The following TMPRSS11D variants were observed in gnomAD, a reference collection of about 807,000 sequenced individuals.
TMPRSS11D encodes transmembrane serine protease 11D.
TMPRSS11D carries 32 observed loss-of-function variants against 44.4 expected under a neutral mutation model. That is an observed-to-expected ratio of 0.72 (90% CI 0.54 to 0.97). The LOEUF is 0.97. Among genes scored for constraint, TMPRSS11D ranks in the 50% least tolerant of loss-of-function variants. TMPRSS11D has a pLI of 0.00. For missense variants in TMPRSS11D, 446 were observed against 502.6 expected (o/e 0.89, Z 1.08); for synonymous variants, 179 against 177.9 (o/e 1.01, Z -0.05).
chr4:67,878,980 A>G (rs1478723429), intron 1 of TMPRSS11D, among the ~76,000 whole-genome samples: 1 of 152,134 alleles, frequency 6.6e-6, no homozygotes, highest in Non-Finnish European at 1.5e-5. Flanking sequence ...AAGTAGAAAT[A>G]AAGCACTAGG....
At chr4:67,881,176 T>TA (rs1719312579) in intron 1 of TMPRSS11D, among the ~76,000 whole-genome samples, 1 of 152,206 alleles carries the variant, frequency 6.6e-6, no homozygotes, top group Non-Finnish European at 1.5e-5. Context: ...TAGGTTCCCT[T>TA]ACAGCAGTAA....
chr4:67,832,934 C>A (rs1717981808), intron 7 of TMPRSS11D, among the ~76,000 whole-genome samples: 2 of 151,872 alleles, frequency 1.3e-5, no homozygotes, highest in African/African-American at 4.8e-5. Context: ...ATTTCTTAAG[C>A]TTTTATAGCT....
In TMPRSS11D at chr4:67,838,332, G is replaced by A. The variant is rs375082239; in HGVS notation, c.318-3C>T. 3.8e-5 allele frequency: 58 copies of A among 1,539,554 alleles called. No homozygotes were observed. In the African/African-American group the frequency reaches 7.7e-4, roughly 21 times the overall value. On this transcript the variant is annotated splice_polypyrimidine_tract_variant and splice_region_variant and intron_variant, in intron 4 of 9. Transcript: ENST00000283916. ...CTCTCACACCACTACCATCTTGCCT[G>A]TAAATCATAAAGATATTTTAAAAAA...
intron 2 of TMPRSS11D, among the ~76,000 whole-genome samples, chr4:67,857,318 TATATACACACACAC>T (rs1233896494): frequency 0.017 from 16 of 954 alleles, no homozygotes; most frequent in African/African-American, 0.032. Flanking sequence ...TATATATATA[TATATACACACACAC>T]ACACACACAC....
In TMPRSS11D at chr4:67,841,287, A is replaced by T. The variant is rs115445980; in HGVS notation, c.317+1271T>A. Among the ~76,000 whole-genome samples, 1,063 of 152,240 alleles carry T rather than the reference A, an allele frequency of 7.0e-3. 18 individuals carry two copies. The highest frequency in any genetic ancestry group is 0.024 in the African/African-American group (1,017 of 41,540). On this transcript the variant is annotated intron_variant, in intron 4 of 9. Coordinates refer to ENST00000283916, the MANE Select transcript of TMPRSS11D (RefSeq NM_004262.3). ...GATGAGAGGCCTAGAGCACAGCCTG[A>T]TGTTCAGCAACATTTAAGGAATATA...
chr4:67,859,769 T>G, intron 1 of TMPRSS11D, 91 bp from the exon 2 acceptor site: 1 of 1,517,278 alleles, frequency 6.6e-7, no homozygotes. Flanking sequence ...TCTTTCCCGG[T>G]CTCTTATCTG....
At chr4:67,876,744 A>G (rs755057641) in intron 1 of TMPRSS11D, among the ~76,000 whole-genome samples, 7 of 152,182 alleles carry the variant, frequency 4.6e-5, no homozygotes, top group Non-Finnish European at 8.8e-5. Flanking sequence ...TGGGTGCTCT[A>G]TAGATACAGT....
At chr4:67,824,371 A>G (rs141908070) in intron 9 of TMPRSS11D, among the ~76,000 whole-genome samples, 15 of 152,206 alleles carry the variant, frequency 9.9e-5, no homozygotes, top group Admixed American at 2.0e-4. Context: ...GTCTTAATTA[A>G]TGCTCTTAGT....
At chr4:67,880,449 A>G (rs1318508683) in intron 1 of TMPRSS11D, among the ~76,000 whole-genome samples, 5 of 152,038 alleles carry the variant, frequency 3.3e-5, no homozygotes, top group African/African-American at 1.2e-4. Flanking sequence ...TTTTTTTTTA[A>G]TTGGGGATAG....
chr4:67,828,780 A>C (rs1016615765), intron 7 of TMPRSS11D, among the ~76,000 whole-genome samples: 2 of 152,160 alleles, frequency 1.3e-5, no homozygotes, highest in African/African-American at 4.8e-5. Context: ...CAATGGCTAT[A>C]AAGAGGTAGA....
chr4:67,878,678 C>A (rs1355520529), intron 1 of TMPRSS11D, among the ~76,000 whole-genome samples: 2 of 152,144 alleles, frequency 1.3e-5, no homozygotes, highest in Non-Finnish European at 2.9e-5. Context: ...GTAATCCCAG[C>A]ACTTTGGGAG....
Position 67,822,437 on chromosome 4 carries a change from A to C in TMPRSS11D, c.1157T>G (p.Ile386Arg), listed in dbSNP as rs772388644. 6.2e-7 allele frequency: 1 copy of C among 1,613,938 alleles called. No individual in the cohort carries two copies. The highest frequency in any genetic ancestry group is 2.2e-5 in the East Asian group (1 of 44,860). The change falls in exon 10 of 10, where the codon ATA becomes AGA. Residue 386 changes from isoleucine (I) to arginine (R), a missense_variant. Coordinates refer to ENST00000283916, the MANE Select transcript of TMPRSS11D (RefSeq NM_004262.3). Reference protein sequence around the residue: ...DSRRLWFIVGIVSWGDQCGLP... With the variant: ...DSRRLWFIVGRVSWGDQCGLP... ...GCCACACTGATCTCCCCAGCTTACT[A>C]TCCCCACAATAAACCAAAGCCGCCG...
In TMPRSS11D at chr4:67,834,961, C is replaced by A. The variant is rs1018326855; in HGVS notation, c.514+122G>T. The A allele has an allele frequency of 7.1e-6, 6 of 846,774 alleles. No individual in the cohort carries two copies. The African/African-American group carries it at 1.0e-4, about 14-fold the overall frequency. 52.5% of individuals were successfully genotyped at this position (846,774 alleles called of 1,614,324 possible). On this transcript the variant is annotated intron_variant, in intron 6 of 9. Transcript: ENST00000283916. Reference sequence around the variant, plus strand: ...CTGTCTTGTTTCAACACCACCTGAGCGAACTAAGAACAAAGACATCAACTT... The same window carrying A: ...CTGTCTTGTTTCAACACCACCTGAGAGAACTAAGAACAAAGACATCAACTT...
chr4:67,882,685 C>T (rs1239782239), intron 1 of TMPRSS11D, among the ~76,000 whole-genome samples: 1 of 152,048 alleles, frequency 6.6e-6, no homozygotes, highest in African/African-American at 2.4e-5. Context: ...TTAAAATGCA[C>T]TATATTACCC....
Position 67,862,965 on chromosome 4 carries a change from T to A in TMPRSS11D, c.9-3287A>T, listed in dbSNP as rs185181451. Among the ~76,000 whole-genome samples, 1,043 of 151,578 alleles carry A rather than the reference T, an allele frequency of 6.9e-3. 2 individuals carry two copies. Among genetic ancestry groups the A allele is most frequent in the Non-Finnish European group, 0.011 (778 of 67,880 alleles). On this transcript the variant is annotated intron_variant, in intron 1 of 9. Transcript: ENST00000283916. ...AGATATACCTAATGTAAATGACGAG[T>A]TAATGGGTGCAGCACAACAACATGG...
At chr4:67,883,239 A>C (rs1381746412) in intron 1 of TMPRSS11D, among the ~76,000 whole-genome samples, 1 of 151,992 alleles carries the variant, frequency 6.6e-6, no homozygotes, top group Non-Finnish European at 1.5e-5. Context: ...TAATATATAC[A>C]CTTAAGTGCA....
At chr4:67,883,813 G>A in intron 1 of TMPRSS11D, 113 bp downstream of exon 1, 1 of 733,472 alleles carries the variant, frequency 1.4e-6, no homozygotes, top group East Asian at 2.7e-5. Context: ...TTTCAGAGAA[G>A]TAACTAGAAG....
chr4:67,827,170 C>T (rs989721070), intron 8 of TMPRSS11D, 91 bp downstream of exon 8: 9 of 1,477,548 alleles, frequency 6.1e-6, no homozygotes, highest in African/African-American at 1.4e-5. Flanking sequence ...AGAATAGAAA[C>T]ACCTATTCCA....
intron 1 of TMPRSS11D, among the ~76,000 whole-genome samples, chr4:67,864,264 A>T (rs1378501040): frequency 6.6e-6 from 1 of 151,960 alleles, no homozygotes; most frequent in East Asian, 1.9e-4. Context: ...CTTTATAGTA[A>T]AGAAGAGGAA....
Sources: gnomAD v4.1 joint callset for allele counts (sites outside exome capture counted in the v4.1 genomes callset) on GRCh38, gnomAD v4.1.1 for gene constraint, MANE v1.5 for transcripts, NCBI Gene and HGNC (gene_info 2026-07-23, HGNC 2026-07-21) for gene names.